Variants in TBC1D21 observed in about 807,000 individuals in gnomAD.
TBC1D21 encodes the protein male germ cell Rab GTPase-activating protein.
In TBC1D21, 38 loss-of-function variants were observed where a neutral mutation model predicts 46.0. That is an observed-to-expected ratio of 0.83 (90% CI 0.64 to 1.08). The LOEUF is 1.08. TBC1D21 is among the 50% of genes least tolerant of loss of function. The probability of loss-of-function intolerance (pLI) is 0.00; values close to 1 mark genes in which losing one functional copy is unlikely to be tolerated. For synonymous variants in TBC1D21, 151 were observed against 157.2 expected (o/e 0.96, Z 0.29); for missense variants, 415 against 417.9 (o/e 0.99, Z 0.06).
At chr15:73,887,827 T>C (rs2068278597) in intron 9 of TBC1D21, 91 bp downstream of exon 9, 2 of 1,097,734 alleles carry the variant, frequency 1.8e-6, no homozygotes, top group South Asian at 1.3e-5. Context: ...GTTCATGGGG[T>C]GCTGGGCACC....
chr15:73,892,513 C>T (rs1038354524), downstream of TBC1D21, among the ~76,000 whole-genome samples: 16 of 152,218 alleles, frequency 1.1e-4, no homozygotes, highest in Admixed American at 4.6e-4. Flanking sequence ...TGCACCGCTG[C>T]GTTCCCTTGT....
In TBC1D21 at chr15:73,884,865, T is replaced by C; in HGVS notation, c.452T>C (p.Leu151Pro). 4 of 1,614,162 alleles carry C rather than the reference T, an allele frequency of 2.5e-6. No individual in the cohort carries two copies. The highest frequency in any genetic ancestry group is 3.4e-6 in the Non-Finnish European group (4 of 1,180,004). ...DKKRLEKILL[L>P]SYVCNTQAEY... ...AAGAGGCTAGAGAAGATCCTGCTCC[T>C]GAGTTACGTCTGCAACACGCAGGCA... Residue 151 changes from leucine to proline, a missense_variant, in exon 5 of 11, where the codon CTG becomes CCG. Leu to Pro is a moderately conservative substitution (Grantham distance 98, BLOSUM62 -3). Transcript: ENST00000300504.
intron 3 of TBC1D21, 80 bp downstream of exon 3, chr15:73,881,827 T>C: frequency 7.9e-7 from 1 of 1,264,846 alleles, no homozygotes; most frequent in Admixed American, 1.8e-5. Context: ...GCAGACTATC[T>C]TCTGCCCCCA....
chr15:73,882,134 C>T (rs1418317552), intron 3 of TBC1D21, among the ~76,000 whole-genome samples: 1 of 152,128 alleles, frequency 6.6e-6, no homozygotes, highest in African/African-American at 2.4e-5. Flanking sequence ...GAGCTGCCTC[C>T]CGGGTCTAGT....
At chr15:73,884,119 C>T in intron 3 of TBC1D21, 32 bp from the exon 4 acceptor site, 1 of 1,587,840 alleles carries the variant, frequency 6.3e-7, no homozygotes, top group Non-Finnish European at 8.6e-7. Flanking sequence ...GGGGAAAAGC[C>T]ACCTTGTTCA....
the TBC1D21 span, among the ~76,000 whole-genome samples, chr15:73,898,990 G>A: frequency 6.8e-6 from 1 of 147,382 alleles, no homozygotes; most frequent in African/African-American, 2.5e-5. Context: ...ACCTTTTTTG[G>A]CACAATGTCT....
chr15:73,877,437 C>T (rs2068084879), intron 1 of TBC1D21, among the ~76,000 whole-genome samples: 1 of 144,832 alleles, frequency 6.9e-6, no homozygotes, highest in Admixed American at 7.2e-5. Flanking sequence ...AAAACTTTAG[C>T]CCAGATGGCT....
chr15:73,883,123 G>T (rs2068183366), intron 3 of TBC1D21, among the ~76,000 whole-genome samples: 1 of 152,224 alleles, frequency 6.6e-6, no homozygotes, highest in African/African-American at 2.4e-5. Flanking sequence ...GGACTCACCT[G>T]TCTGGGAGCC....
intron 1 of TBC1D21, among the ~76,000 whole-genome samples, chr15:73,880,304 C>CACA: frequency 6.7e-6 from 1 of 149,486 alleles, no homozygotes; most frequent in Non-Finnish European, 1.5e-5. Flanking sequence ...CAGATATATA[C>CACA]CACACACACA....
At chr15:73,876,808 TAGG>T (rs2068076368) in intron 1 of TBC1D21, among the ~76,000 whole-genome samples, 1 of 152,248 alleles carries the variant, frequency 6.6e-6, no homozygotes, top group Admixed American at 6.5e-5. Flanking sequence ...TTAATCATTG[TAGG>T]GCATTTGATT....
chr15:73,888,163 C>T (rs1320168271), intron 9 of TBC1D21, among the ~76,000 whole-genome samples: 2 of 152,214 alleles, frequency 1.3e-5, no homozygotes, highest in South Asian at 2.1e-4. Context: ...TAATTATAAA[C>T]CAAGTCCTCC....
chr15:73,876,199 GTTTTTTTTTT>G lies in TBC1D21; in HGVS notation c.60+2467_60+2476del, dbSNP rs539517539. On this transcript the variant is annotated intron_variant, in intron 1 of 10. Transcript: ENST00000300504. Reference sequence around the variant, plus strand: ...GAAGAATCAGTGACTTTTTTTGTGGGTTTTTTTTTTTTTTTTTTTTTTTTTTTTTTTTTTT... The same window carrying G: ...GAAGAATCAGTGACTTTTTTTGTGGGTTTTTTTTTTTTTTTTTTTTTTTTT... Among the ~76,000 whole-genome samples, 16 of 28,314 alleles carry G rather than the reference GTTTTTTTTTT, an allele frequency of 5.7e-4. 4 individuals are homozygous for G. Among genetic ancestry groups the G allele is most frequent in the East Asian group, 2.6e-3 (4 of 1,518 alleles). The allele number at this position is 28,314 out of a possible 152,430, so 18.6% of individuals were successfully genotyped here.
downstream of TBC1D21, among the ~76,000 whole-genome samples, chr15:73,892,728 C>A (rs748445820): frequency 6.6e-6 from 1 of 152,230 alleles, no homozygotes; most frequent in Non-Finnish European, 1.5e-5. Context: ...GCCAATAGTG[C>A]GAGCCGAATG....
chr15:73,875,227 C>T (rs1375173792), intron 1 of TBC1D21, among the ~76,000 whole-genome samples: 5 of 136,172 alleles, frequency 3.7e-5, no homozygotes, highest in Non-Finnish European at 7.7e-5. Context: ...CCAGCCTGGG[C>T]GACAGAGTGA....
intron 4 of TBC1D21, 73 bp from the exon 5 acceptor site, chr15:73,884,708 G>A (rs1270261699): frequency 1.1e-5 from 12 of 1,073,950 alleles, no homozygotes; most frequent in Middle Eastern, 2.0e-4. Flanking sequence ...CATTGGGGTA[G>A]GGGAAGAAAT....
downstream of TBC1D21, among the ~76,000 whole-genome samples, chr15:73,893,349 G>A (rs2068351919): frequency 6.6e-6 from 1 of 152,174 alleles, no homozygotes; most frequent in Non-Finnish European, 1.5e-5. Flanking sequence ...AATCACCGTG[G>A]CCATGAGCAT....
At chr15:73,903,292 AC>A in the TBC1D21 span, among the ~76,000 whole-genome samples, 2 of 152,190 alleles carry the variant, frequency 1.3e-5, no homozygotes, top group Admixed American at 1.3e-4. Context: ...CTGGCCTTGG[AC>A]CAAAACTGGC....
the TBC1D21 span, among the ~76,000 whole-genome samples, chr15:73,895,772 A>C: frequency 6.6e-6 from 1 of 152,198 alleles, no homozygotes; most frequent in Admixed American, 6.5e-5. Flanking sequence ...AAGCATCCTG[A>C]GGAAGGGTCA....
the TBC1D21 span, among the ~76,000 whole-genome samples, chr15:73,905,848 G>A: frequency 6.6e-6 from 1 of 152,194 alleles, no homozygotes; most frequent in Non-Finnish European, 1.5e-5. Context: ...AGAGTCAACT[G>A]AGCAGCATAG....
Sources: allele counts gnomAD v4.1 joint callset (sites outside exome capture counted in the v4.1 genomes callset), GRCh38; gene constraint gnomAD v4.1.1; transcripts MANE v1.5; gene names NCBI Gene and HGNC (gene_info 2026-07-23, HGNC 2026-07-21).